Variants in UNC13C observed in about 807,000 individuals in gnomAD.
The protein encoded by UNC13C is unc-13 homolog C.
UNC13C carries 174 observed loss-of-function variants against 245.4 expected under a neutral mutation model. The ratio of observed to expected loss-of-function variants is 0.71; its 90% CI spans 0.63 to 0.80. UNC13C has a LOEUF of 0.80. Among genes scored for constraint, UNC13C ranks in the 30% least tolerant of loss-of-function variants. The pLI, the probability that UNC13C is intolerant of heterozygous loss-of-function variation, is 0.00. For synonymous variants in UNC13C, 992 were observed against 895.1 expected, an observed-to-expected ratio of 1.11 and a Z score of -1.93; for missense variants, 2,829 against 2,602.9, an observed-to-expected ratio of 1.09 and a Z score of -1.89.
chr15:53,898,411 T>C, the UNC13C span, among the ~76,000 whole-genome samples: 2 of 150,928 alleles, frequency 1.3e-5, no homozygotes, highest in Non-Finnish European at 1.5e-5. Context: ...TCCAGACACA[T>C]ACACACACAC....
intron 19 of UNC13C, among the ~76,000 whole-genome samples, chr15:54,434,931 A>G (rs2040949571): frequency 6.6e-6 from 1 of 152,172 alleles, no homozygotes; most frequent in South Asian, 2.1e-4. Flanking sequence ...ATATGAACAG[A>G]TATTTCTCAA....
At chr15:54,479,996 C>A (rs567229973) in intron 19 of UNC13C, among the ~76,000 whole-genome samples, 1 of 152,026 alleles carries the variant, frequency 6.6e-6, no homozygotes, top group Non-Finnish European at 1.5e-5. Flanking sequence ...GATATTTCAT[C>A]CTATTCTCTC....
At chr15:54,526,960 C>T (rs900032831) in intron 25 of UNC13C, among the ~76,000 whole-genome samples, 3 of 152,158 alleles carry the variant, frequency 2.0e-5, no homozygotes, top group Non-Finnish European at 4.4e-5. Context: ...TAATCTCCCA[C>T]TTAGCCTTCT....
At chr15:54,052,440 T>G (rs1296903466) in intron 2 of UNC13C, among the ~76,000 whole-genome samples, 1 of 151,650 alleles carries the variant, frequency 6.6e-6, no homozygotes, top group Non-Finnish European at 1.5e-5. Flanking sequence ...CCTGACTTTT[T>G]AATGATTGCC....
intron 19 of UNC13C, among the ~76,000 whole-genome samples, chr15:54,420,057 A>C (rs987044787): frequency 1.3e-5 from 2 of 152,144 alleles, no homozygotes; most frequent in African/African-American, 4.8e-5. Context: ...GAAAAGAATA[A>C]GATGAACAGA....
chr15:54,055,609 G>C (rs148982194), intron 2 of UNC13C, among the ~76,000 whole-genome samples: 1 of 152,114 alleles, frequency 6.6e-6, no homozygotes, highest in East Asian at 1.9e-4. Context: ...CCATCAGTAT[G>C]CATTTGGAAA....
chr15:54,528,333 T>C (rs1895576704), intron 25 of UNC13C, among the ~76,000 whole-genome samples: 1 of 138,968 alleles, frequency 7.2e-6, no homozygotes. Flanking sequence ...TTTTTTTTTT[T>C]CTTATTAACC....
the UNC13C span, among the ~76,000 whole-genome samples, chr15:53,971,670 T>A: frequency 6.6e-6 from 1 of 152,186 alleles, no homozygotes; most frequent in Non-Finnish European, 1.5e-5. Flanking sequence ...AAAAGTATAC[T>A]TTCTTTTAAG....
the UNC13C span, among the ~76,000 whole-genome samples, chr15:53,928,252 T>C: frequency 3.3e-5 from 5 of 152,178 alleles, no homozygotes; most frequent in East Asian, 7.7e-4. Context: ...TCTATAGATA[T>C]TAAATTAACT....
intron 24 of UNC13C, among the ~76,000 whole-genome samples, chr15:54,521,907 A>G (rs965200852): frequency 1.3e-5 from 2 of 152,208 alleles, no homozygotes; most frequent in Admixed American, 6.5e-5. Flanking sequence ...ATGCCCATGC[A>G]TGCAGGACAC....
chr15:54,146,203 T>C (rs1485672441), intron 4 of UNC13C, among the ~76,000 whole-genome samples: 1 of 152,170 alleles, frequency 6.6e-6, no homozygotes, highest in Non-Finnish European at 1.5e-5. Context: ...TATTTAAATA[T>C]CACAACTTCT....
At chr15:53,842,092 A>G in the UNC13C span, among the ~76,000 whole-genome samples, 73 of 152,306 alleles carry the variant, frequency 4.8e-4, no homozygotes, top group East Asian at 0.013. Context: ...TGAAGCTTTC[A>G]GTAAAGTGCT....
chr15:54,076,669 G>C (rs1216729043), intron 2 of UNC13C, among the ~76,000 whole-genome samples: 1 of 152,092 alleles, frequency 6.6e-6, no homozygotes, highest in Non-Finnish European at 1.5e-5. Flanking sequence ...TAACGAGTTG[G>C]TTTCTGCATA....
chr15:54,124,962 T>C (rs1003844078), intron 2 of UNC13C, among the ~76,000 whole-genome samples: 4 of 152,232 alleles, frequency 2.6e-5, no homozygotes, highest in African/African-American at 9.6e-5. Flanking sequence ...TGTGGGTCTT[T>C]TTCTGGGCTC....
chr15:54,126,617 T>G (rs1362077341), intron 2 of UNC13C, among the ~76,000 whole-genome samples: 1 of 151,876 alleles, frequency 6.6e-6, no homozygotes, highest in Non-Finnish European at 1.5e-5. Context: ...TAGAAGAAAA[T>G]GTAGGCAATA....
At chr15:54,191,605 T>C (rs889147993) in intron 4 of UNC13C, among the ~76,000 whole-genome samples, 3 of 152,186 alleles carry the variant, frequency 2.0e-5, no homozygotes, top group Admixed American at 1.3e-4. Flanking sequence ...TTTCTGCTTC[T>C]AGATTTTTGA....
chr15:54,362,649 A>T (rs138072113), intron 17 of UNC13C, among the ~76,000 whole-genome samples: 2 of 152,134 alleles, frequency 1.3e-5, no homozygotes, highest in African/African-American at 4.8e-5. Context: ...CTTAGGACCC[A>T]CTCAAGAGCT....
At chr15:54,139,913 C>G (rs1449836388) in intron 2 of UNC13C, among the ~76,000 whole-genome samples, 1 of 152,026 alleles carries the variant, frequency 6.6e-6, no homozygotes, top group African/African-American at 2.4e-5. Context: ...AGATACTTAA[C>G]CTATTGTCCA....
chr15:54,180,453 G>A (rs1483996723), intron 4 of UNC13C, among the ~76,000 whole-genome samples: 2 of 151,914 alleles, frequency 1.3e-5, no homozygotes, highest in Non-Finnish European at 2.9e-5. Flanking sequence ...TGAATAGTGT[G>A]ATGAACATGA....
Sources: gnomAD v4.1 joint callset for allele counts (sites outside exome capture counted in the v4.1 genomes callset) on GRCh38, gnomAD v4.1.1 for gene constraint, MANE v1.5 for transcripts, NCBI Gene and HGNC (gene_info 2026-07-23, HGNC 2026-07-21) for gene names.